TCF12: variants seen among roughly 807,000 people sequenced by gnomAD.
TCF12 encodes the protein DNA-binding protein HTF4.
Under a neutral mutation model 86.0 loss-of-function variants are expected in TCF12, and 45 were observed. That is an observed-to-expected ratio of 0.52 (90% CI 0.41 to 0.67). TCF12 has a LOEUF of 0.67. TCF12 is among the 30% of genes least tolerant of loss of function. The probability of loss-of-function intolerance (pLI) is 0.00; values close to 1 mark genes in which losing one functional copy is unlikely to be tolerated. For synonymous variants in TCF12, 330 were observed against 299.6 expected (o/e 1.10, Z -1.05); for missense variants, 881 against 859.9 (o/e 1.02, Z -0.31).
At chr15:56,951,342 T>C (rs1321142876) in intron 3 of TCF12, among the ~76,000 whole-genome samples, 2 of 152,224 alleles carry the variant, frequency 1.3e-5, no homozygotes, top group African/African-American at 4.8e-5. Context: ...CTATCTTTTA[T>C]CTTGTTTGCT....
intron 3 of TCF12, among the ~76,000 whole-genome samples, chr15:56,936,823 A>G (rs1343607110): frequency 1.3e-5 from 2 of 151,920 alleles, no homozygotes; most frequent in African/African-American, 2.4e-5. Flanking sequence ...ATTCTGTTCC[A>G]TTGGTCTGTG....
At chr15:56,921,567 CATA>C (rs1368750042) in intron 3 of TCF12, among the ~76,000 whole-genome samples, 1 of 151,852 alleles carries the variant, frequency 6.6e-6, no homozygotes, top group Non-Finnish European at 1.5e-5. Flanking sequence ...TTTAAAAACT[CATA>C]ATTTAAAAAT....
At chr15:57,056,631 A>G (rs1334739441) in intron 3 of TCF12, among the ~76,000 whole-genome samples, 2 of 151,292 alleles carry the variant, frequency 1.3e-5, no homozygotes, top group African/African-American at 4.9e-5. Context: ...GGCTAATTTT[A>G]ATTTTTTTGT....
intron 8 of TCF12, among the ~76,000 whole-genome samples, chr15:57,211,439 G>C (rs2058097028): frequency 6.6e-6 from 1 of 152,008 alleles, no homozygotes; most frequent in African/African-American, 2.4e-5. Context: ...AAAGATTATG[G>C]TTTTAAATGA....
intron 3 of TCF12, among the ~76,000 whole-genome samples, chr15:57,041,308 A>G (rs1360523018): frequency 2.0e-5 from 3 of 152,190 alleles, no homozygotes; most frequent in African/African-American, 7.2e-5. Flanking sequence ...TGTTAATCTC[A>G]TGATGAATCT....
chr15:57,223,202 C>A (rs2058683312), intron 8 of TCF12, among the ~76,000 whole-genome samples: 1 of 151,930 alleles, frequency 6.6e-6, no homozygotes, highest in Non-Finnish European at 1.5e-5. Flanking sequence ...TTTGTAAGTA[C>A]TGAGGTCAGA....
chr15:57,281,594 A>T (rs974750047), intron 19 of TCF12: 36 of 152,186 alleles, frequency 2.4e-4, no homozygotes, highest in African/African-American at 8.2e-4. Context: ...GCATCTCCAC[A>T]TCCTGTCAGA....
chr15:57,268,417 A>T (rs1396248190), intron 18 of TCF12, among the ~76,000 whole-genome samples: 2 of 152,102 alleles, frequency 1.3e-5, no homozygotes, highest in Non-Finnish European at 2.9e-5. Flanking sequence ...CTTTTTAGGG[A>T]CAGAGTCTCT....
chr15:57,028,363 T>C (rs952243663), intron 3 of TCF12, among the ~76,000 whole-genome samples: 3 of 140,138 alleles, frequency 2.1e-5, no homozygotes, highest in Non-Finnish European at 4.6e-5. Flanking sequence ...TTGCAGTTGC[T>C]CAACATTCTC....
chr15:57,143,567 G>A (rs750809860), intron 5 of TCF12, among the ~76,000 whole-genome samples: 3 of 152,014 alleles, frequency 2.0e-5, no homozygotes, highest in Non-Finnish European at 4.4e-5. Flanking sequence ...GTATAGAGAA[G>A]GAAAAAAATC....
chr15:57,130,106 A>G (rs2051990338), intron 5 of TCF12: 1 of 152,226 alleles, frequency 6.6e-6, no homozygotes, highest in Non-Finnish European at 1.5e-5. Flanking sequence ...TTCATTTGAA[A>G]TGTAATGTGC....
intron 6 of TCF12, among the ~76,000 whole-genome samples, chr15:57,179,765 G>A (rs1209394257): frequency 6.6e-6 from 1 of 152,090 alleles, no homozygotes; most frequent in African/African-American, 2.4e-5. Flanking sequence ...AGCATCTCAG[G>A]TTTTCTTTCA....
chr15:57,027,236 C>T (rs2065876185), intron 3 of TCF12, among the ~76,000 whole-genome samples: 1 of 152,150 alleles, frequency 6.6e-6, no homozygotes, highest in Admixed American at 6.5e-5. Flanking sequence ...TTCTTCAACA[C>T]CTATGTCTTG....
intron 8 of TCF12, among the ~76,000 whole-genome samples, chr15:57,225,256 C>T (rs1283754212): frequency 1.3e-4 from 11 of 85,244 alleles, no homozygotes; most frequent in Non-Finnish European, 2.0e-4. Context: ...TTTTTTAAGA[C>T]GGAGTCTTGC....
chr15:57,186,953 G>C (rs1194716042), intron 6 of TCF12, among the ~76,000 whole-genome samples: 1 of 152,108 alleles, frequency 6.6e-6, no homozygotes, highest in Non-Finnish European at 1.5e-5. Context: ...GGCCAAAGCG[G>C]GCAGATCACT....
At chr15:57,015,993 A>C (rs551299832) in intron 3 of TCF12, among the ~76,000 whole-genome samples, 30 of 152,330 alleles carry the variant, frequency 2.0e-4, no homozygotes, top group African/African-American at 6.7e-4. Flanking sequence ...GAAACATCAT[A>C]TAGTTCTCAT....
chr15:56,972,358 A>G (rs1380788277), intron 3 of TCF12, among the ~76,000 whole-genome samples: 2 of 152,244 alleles, frequency 1.3e-5, no homozygotes, highest in African/African-American at 4.8e-5. Flanking sequence ...TGCAAAATAC[A>G]GTTATATCTA....
chr15:57,100,454 G>C (rs1434484799), intron 5 of TCF12, among the ~76,000 whole-genome samples: 1 of 147,378 alleles, frequency 6.8e-6, no homozygotes, highest in Non-Finnish European at 1.5e-5. Flanking sequence ...GTAGAGATGA[G>C]GTCTTGCTGT....
chr15:56,918,355 C>T (rs1272060023), upstream of TCF12: 4 of 421,842 alleles, frequency 9.5e-6, no homozygotes, highest in East Asian at 1.5e-4. Context: ...GGAGGCGCCA[C>T]GGTACCTGCC....
Sources: gnomAD v4.1 joint callset for allele counts (sites outside exome capture counted in the v4.1 genomes callset) on GRCh38, gnomAD v4.1.1 for gene constraint, MANE v1.5 for transcripts, NCBI Gene and HGNC (gene_info 2026-07-23, HGNC 2026-07-21) for gene names.